The following PIGC variants were observed in gnomAD, a reference collection of about 807,000 sequenced individuals.
PIGC encodes phosphatidylinositol N-acetylglucosaminyltransferase subunit C.
A neutral mutation model predicts 20.9 loss-of-function variants in PIGC; 14 were observed. The ratio of observed to expected loss-of-function variants is 0.67; its 90% confidence interval spans 0.44 to 1.05. The LOEUF (loss-of-function observed/expected upper bound fraction) is 1.05, where lower values mean the gene tolerates loss of function less well. Among genes scored for constraint, PIGC ranks in the 50% least tolerant of loss-of-function variants. The probability of loss-of-function intolerance (pLI) is 0.00; values close to 1 mark genes in which losing one functional copy is unlikely to be tolerated. For synonymous variants in PIGC, 132 were observed against 141.4 expected (o/e 0.93, Z 0.47); for missense variants, 310 against 360.9 (o/e 0.86, Z 1.14).
rs755188650 is a variant in PIGC at position 172,442,557 on chromosome 1, C to A, written c.66G>T (p.Gln22His). The change falls in exon 2 of 2, where the codon CAG becomes CAT. Residue 22 changes from glutamine to histidine, a missense_variant. Transcript: ENST00000344529. The stretch of plus-strand genomic sequence containing the variant: ...GGTCCACATAGTTATCAGGAAAGGG[C>A]TGTCGCTCATACAAGACCTTCTGCC... ...VKWQKVLYER[Q>H]PFPDNYVDRR... The A allele has an allele frequency of 6.2e-7, 1 of 1,614,184 alleles. No homozygotes were observed. The highest frequency in any genetic ancestry group is 1.1e-5 in the South Asian group (1 of 91,084).
At position 172,441,964 on chromosome 1, in the gene PIGC, A is replaced by G. The variant is rs786205667; in HGVS notation, c.659T>C (p.Leu220Pro). 3.1e-6 allele frequency: 5 copies of G among 1,614,208 alleles called. No individual in the cohort carries two copies. The highest frequency in any genetic ancestry group is 3.4e-6 in the Non-Finnish European group (4 of 1,180,026). The change falls in exon 2 of 2, where the codon CTA becomes CCA. Residue 220 changes from leucine (L) to proline (P), a missense_variant. Leu to Pro is a moderately conservative substitution (Grantham distance 98). Transcript: ENST00000344529. ...FALWPMLQKK[L>P]KACTPRSYVG... is the part of the protein sequence containing the mutation. ...ATAGCTCCGGGGAGTACATGCCTTTAGTTTCTTCTGCAACATGGGCCACAG... is the reference window on the plus strand; with the variant it reads ...ATAGCTCCGGGGAGTACATGCCTTTGGTTTCTTCTGCAACATGGGCCACAG...
rs1422903785 is a variant in PIGC, at chr1:172,442,692, T to G, written c.-70A>C. ...AGAAGTCCAGGTGGTTCTTGTTCTT[T>G]ATGAAGTTTTGAAATGAGACCTCCC... On this transcript the variant is annotated 5_prime_UTR_variant, in exon 2 of 2. The change abolishes the stop of an existing upstream ORF in the 5' untranslated region. Coordinates refer to ENST00000344529, the MANE Select transcript of PIGC (RefSeq NM_153747.2). 1 of 1,367,272 alleles carries G rather than the reference T, an allele frequency of 7.3e-7. No individual in the cohort carries two copies. Among genetic ancestry groups the G allele is most frequent in the Non-Finnish European group, 1.0e-6 (1 of 981,928 alleles). 84.7% of individuals were successfully genotyped at this position (1,367,272 alleles called of 1,614,324 possible). A position where few individuals can be genotyped will look rare whatever the true frequency, so the allele number is the denominator to read the frequency against.
At chr1:172,443,886 C>T (rs1490151208) in intron 1 of PIGC, 102 bp downstream of exon 1, 11 of 894,040 alleles carry the variant, frequency 1.2e-5, no homozygotes, top group African/African-American at 1.8e-5. Context: ...TTGGGTGGGC[C>T]TCCCACTTCC....
chr1:172,443,948 G>A (rs1647649454), intron 1 of PIGC, 40 bp downstream of exon 1: 1 of 998,334 alleles, frequency 1.0e-6, no homozygotes, highest in Non-Finnish European at 1.2e-6. Flanking sequence ...AGAGGAAAAG[G>A]AGCCCCGGAA....
Position 172,442,162 on chromosome 1 carries a change from A to T in PIGC, c.461T>A (p.Val154Asp). The change falls in exon 2 of 2, where the codon GTC becomes GAC. Residue 154 changes from valine to aspartate, a missense_variant. By Grantham distance (152) the Val-to-Asp change is radical (BLOSUM62 -3). Transcript: ENST00000344529. ...VSTDTIYAMS[V>D]FMLLGHLIFF... ...GATGAGATGGCCTAACAGCATGAAG[A>T]CTGACATGGCATAGATGGTGTCAGT... 6.2e-7 allele frequency: 1 copy of T among 1,614,214 alleles called. No individual in the cohort carries two copies. The highest frequency in any genetic ancestry group is 8.5e-7 in the Non-Finnish European group (1 of 1,180,010).
rs776975185 is a variant in PIGC, at chr1:172,442,254, G to C, written c.369C>G (p.Ala123=). Residue 123 remains alanine, a synonymous_variant, in exon 2 of 2, where the codon GCC becomes GCG. Transcript: ENST00000344529. ...GQTRWADLKS[A]LVFITFTYGF... is the part of the protein sequence containing the mutation. ...CATAAGTGAAAGTAATGAAGACTAG[G>C]GCACTCTTCAGGTCAGCCCACCGGG... 1 of 1,613,868 alleles carries C rather than the reference G, an allele frequency of 6.2e-7. No homozygotes were observed. The highest frequency in any genetic ancestry group is 8.5e-7 in the Non-Finnish European group (1 of 1,179,944).
chr1:172,442,781 G>A lies in PIGC; in HGVS notation c.-159C>T. 2 of 637,550 alleles carry A rather than the reference G, an allele frequency of 3.1e-6. No individual in the cohort carries two copies. The highest frequency in any genetic ancestry group is 5.8e-5 in the Admixed American group (2 of 34,766). The allele number at this position is 637,550 out of a possible 1,614,324, so 39.5% of individuals were successfully genotyped here. A position where few individuals can be genotyped will look rare whatever the true frequency, so the allele number is the denominator to read the frequency against. ...CCTTGTTTTCAAAGGCAGGGGCTAG[G>A]CCTACAATAGATGAATTTGTCTCTG... On this transcript the variant is annotated 5_prime_UTR_variant, in exon 2 of 2. Coordinates refer to ENST00000344529, the MANE Select transcript of PIGC (RefSeq NM_153747.2).
chr1:172,441,927 T>C lies in PIGC; in HGVS notation c.696A>G (p.Thr232=), dbSNP rs1476671907. 6.2e-7 allele frequency: 1 copy of C among 1,614,162 alleles called. No homozygotes were observed. Among genetic ancestry groups the C allele is most frequent in the Non-Finnish European group, 8.5e-7 (1 of 1,180,012 alleles). The stretch of plus-strand genomic sequence containing the variant: ...CCACGGCTGAAAATGCAAAAAGCAG[T>C]GTGACCCCCACATAGCTCCGGGGAG... The part of the protein sequence containing the change: ...ACTPRSYVGV[T]LLFAFSAVGG... The change falls in exon 2 of 2, where the codon ACA becomes ACG. Residue 232 remains threonine (T), a synonymous_variant. Transcript: ENST00000344529.
rs375615276 is a variant in PIGC, at chr1:172,442,312, T to C, written c.311A>G (p.Asp104Gly). Residue 104 changes from aspartate (D) to glycine (G), a missense_variant, in exon 2 of 2, where the codon GAT (aspartate) becomes GGT (glycine). Asp to Gly is a moderately conservative substitution (Grantham distance 94). Transcript: ENST00000344529. Reference protein sequence around the residue: ...LIGYVLFDLIDGGEGRKKSGQ... With the variant: ...LIGYVLFDLIGGGEGRKKSGQ... ...ACTCTTCTTCCGCCCTTCACCTCCATCAATGAGATCAAACAAAACATACCC... is the reference window on the plus strand; with the variant it reads ...ACTCTTCTTCCGCCCTTCACCTCCACCAATGAGATCAAACAAAACATACCC... 18 of 1,613,208 alleles carry C rather than the reference T, an allele frequency of 1.1e-5. No homozygotes were observed. In the African/African-American group the frequency reaches 2.1e-4, roughly 19 times the overall value.
In PIGC at chr1:172,441,693, A is replaced by G. The variant is rs1647320581; in HGVS notation, c.*36T>C. The stretch of plus-strand genomic sequence containing the variant: ...TCTATACTAGTTAGGAGGCTAATCT[A>G]TCAGCTTGCTTTAATAATGTAATGG... On this transcript the variant is annotated 3_prime_UTR_variant, in exon 2 of 2. Transcript: ENST00000344529. The G allele has an allele frequency of 4.0e-6, 6 of 1,490,278 alleles. No individual in the cohort carries two copies. In the South Asian group the frequency reaches 8.2e-5, roughly 20 times the overall value. The allele number at this position is 1,490,278 out of a possible 1,614,324, so 92.3% of individuals were successfully genotyped here.
chr1:172,443,321 T>C (rs1440353406), intron 1 of PIGC: 1 of 167,096 alleles, frequency 6.0e-6, no homozygotes, highest in Non-Finnish European at 1.5e-5. Flanking sequence ...TTTATAGGGA[T>C]AATATCCATA....
chr1:172,443,878 G>C (rs1647643096), intron 1 of PIGC, 110 bp downstream of exon 1: 2 of 828,412 alleles, frequency 2.4e-6, no homozygotes, highest in Non-Finnish European at 3.0e-6. Flanking sequence ...TTGGCTTTTT[G>C]GGTGGGCCTC....
At chr1:172,443,231 T>G (rs1172495668) in intron 1 of PIGC, 3 of 167,504 alleles carry the variant, frequency 1.8e-5, no homozygotes, top group Admixed American at 6.5e-5. Flanking sequence ...TGTATCTCCC[T>G]CTAAAGCAGT....
rs774372183 is a variant in PIGC, at chr1:172,441,837, T to A, written c.786A>T (p.Ser262=). 1.2e-6 allele frequency: 2 copies of A among 1,613,996 alleles called. No individual in the cohort carries two copies. Among genetic ancestry groups the A allele is most frequent in the South Asian group, 2.2e-5 (2 of 91,056 alleles). ...VLFALLLMSI[S]CLCPFYLIRL... is the part of the protein sequence containing the mutation. Reference sequence around the variant, plus strand: ...GAATGAGGTAGAATGGACACAGACATGAGATAGACATCAGCAGAAGGGCAA... The same window carrying A: ...GAATGAGGTAGAATGGACACAGACAAGAGATAGACATCAGCAGAAGGGCAA... Residue 262 remains serine (S), a synonymous_variant, in exon 2 of 2, where the codon TCA becomes TCT. Transcript: ENST00000344529.
rs759018627 is a variant in PIGC, at chr1:172,442,515, C to T, written c.108G>A (p.Glu36=). ...DNYVDRRFLE[E]LRKNIHARKY... ...TCCGAGCATGGATGTTTTTCCGGAG[C>T]TCTTCCAGGAATCGCCGGTCCACAT... The change falls in exon 2 of 2, where the codon GAG becomes GAA. Residue 36 remains glutamate, a synonymous_variant. Transcript: ENST00000344529. 6.2e-7 allele frequency: 1 copy of T among 1,614,230 alleles called. No homozygotes were observed. The highest frequency in any genetic ancestry group is 1.7e-5 in the Admixed American group (1 of 60,028).
chr1:172,441,579 C>A lies in PIGC; in HGVS notation c.*150G>T. The A allele has an allele frequency of 1.5e-6, 1 of 667,262 alleles. No individual in the cohort carries two copies. The allele number at this position is 667,262 out of a possible 1,614,324, so 41.3% of individuals were successfully genotyped here. ...AGAAAGGATAAGCACCCTCACCACC[C>A]AAGCCTTTGGTTCATTTTTTTTGGT... On this transcript the variant is annotated 3_prime_UTR_variant, in exon 2 of 2. Coordinates refer to ENST00000344529, the MANE Select transcript of PIGC (RefSeq NM_153747.2).
In PIGC at chr1:172,444,013, TG is replaced by T; in HGVS notation, c.-235del. On this transcript the variant is annotated 5_prime_UTR_variant, in exon 1 of 2. Coordinates refer to ENST00000344529, the MANE Select transcript of PIGC (RefSeq NM_153747.2). Reference sequence around the variant, plus strand: ...CCGAGAGTTCCTAGGGTTGCGCAGCTGGGGGACGGCGGCACCCAGCCTTTTT... The same window carrying T: ...CCGAGAGTTCCTAGGGTTGCGCAGCTGGGGACGGCGGCACCCAGCCTTTTT... 1 of 1,000,210 alleles carries T rather than the reference TG, an allele frequency of 1.0e-6. No homozygotes were observed. 62.0% of individuals were successfully genotyped at this position (1,000,210 alleles called of 1,614,324 possible).
In PIGC at chr1:172,441,747, C is replaced by T; in HGVS notation, c.876G>A (p.Leu292=). 2 of 1,555,334 alleles carry T rather than the reference C, an allele frequency of 1.3e-6. No individual in the cohort carries two copies. Among genetic ancestry groups the T allele is most frequent in the South Asian group, 1.2e-5 (1 of 80,124 alleles). ...PWDEAEIKED[L]SRFLS The stretch of plus-strand genomic sequence containing the variant: ...TCCTAATTTAACTGAGGAACCTGGA[C>T]AAGTCTTCCTTGATTTCAGCTTCAT... The change falls in exon 2 of 2, where the codon TTG becomes TTA. Residue 292 remains leucine, a synonymous_variant. Coordinates refer to ENST00000344529, the MANE Select transcript of PIGC (RefSeq NM_153747.2).
Position 172,442,712 on chromosome 1 carries a change from C to T in PIGC, c.-90G>A, listed in dbSNP as rs1647462272. ...TTCTTTATGAAGTTTTGAAATGAGACCTCCCTGGAAATTCCATGCTGTGTT... is the reference window on the plus strand; with the variant it reads ...TTCTTTATGAAGTTTTGAAATGAGATCTCCCTGGAAATTCCATGCTGTGTT... On this transcript the variant is annotated 5_prime_UTR_variant, in exon 2 of 2. Coordinates refer to ENST00000344529, the MANE Select transcript of PIGC (RefSeq NM_153747.2). 1 of 1,121,828 alleles carries T rather than the reference C, an allele frequency of 8.9e-7. No homozygotes were observed. Among genetic ancestry groups the T allele is most frequent in the South Asian group, 1.5e-5 (1 of 67,800 alleles). The allele number at this position is 1,121,828 out of a possible 1,614,324, so 69.5% of individuals were successfully genotyped here. A position where few individuals can be genotyped will look rare whatever the true frequency, so the allele number is the denominator to read the frequency against.
Sources: allele counts gnomAD v4.1 joint callset, GRCh38; gene constraint gnomAD v4.1.1; transcripts MANE v1.5; gene names NCBI Gene and HGNC (gene_info 2026-07-23, HGNC 2026-07-21).